DNAJB14: variants seen among roughly 807,000 people sequenced by gnomAD.
The protein encoded by DNAJB14 is DnaJ heat shock protein family (Hsp40) member B14, also known as dnaJ homolog subfamily B member 14.
In DNAJB14, 22 loss-of-function variants were observed where a neutral mutation model predicts 48.4. The observed-to-expected ratio is 0.45, with a 90% CI of 0.32 to 0.65. DNAJB14 has a LOEUF of 0.65. DNAJB14 is among the 30% of genes least tolerant of loss of function. The pLI, the probability that DNAJB14 is intolerant of heterozygous loss-of-function variation, is 0.03. For synonymous variants in DNAJB14, 142 were observed against 158.7 expected (o/e 0.89, Z 0.79); for missense variants, 319 against 458.8 (o/e 0.70, Z 2.78).
chr4:99,927,761 G>A (rs1726307562), intron 2 of DNAJB14: 1 of 152,150 alleles, frequency 6.6e-6, no homozygotes, highest in African/African-American at 2.4e-5. Context: ...TCCCCATTGA[G>A]CCAAATTGTC....
chr4:99,903,732 GTCTT>G lies in DNAJB14; in HGVS notation c.1005_1008del (p.Glu335AspfsTer26). On this transcript the variant is annotated frameshift_variant, in exon 7 of 8. Coordinates refer to ENST00000442697, the MANE Select transcript of DNAJB14 (RefSeq NM_001031723.4). LOFTEE classifies it high-confidence loss of function. ...AAACACATGACAAACTTACTTTGTT[GTCTT>G]TCTTTCCAGCAGTTATTTCGAATAT... 6.2e-7 allele frequency: 1 copy of G among 1,607,024 alleles called. No homozygotes were observed. The highest frequency in any genetic ancestry group is 8.5e-7 in the Non-Finnish European group (1 of 1,178,028).
chr4:99,922,024 T>A (rs1439958853), intron 3 of DNAJB14, among the ~76,000 whole-genome samples: 1 of 152,192 alleles, frequency 6.6e-6, no homozygotes, highest in Non-Finnish European at 1.5e-5. Flanking sequence ...AGTAAAGCTT[T>A]TCCTGTACTT....
chr4:99,936,621 C>A (rs1272037832), intron 1 of DNAJB14, among the ~76,000 whole-genome samples: 2 of 152,174 alleles, frequency 1.3e-5, no homozygotes, highest in Non-Finnish European at 2.9e-5. Context: ...TCTTGGAGAA[C>A]TAGCTGATTC....
chr4:99,922,734 T>C (rs1487394522), intron 3 of DNAJB14: 2 of 197,640 alleles, frequency 1.0e-5, no homozygotes, highest in African/African-American at 4.6e-5. Context: ...CAGATGACAA[T>C]ACGCTAGAAG....
chr4:99,902,299 C>T (rs1725321278), intron 7 of DNAJB14, among the ~76,000 whole-genome samples: 1 of 151,724 alleles, frequency 6.6e-6, no homozygotes, highest in South Asian at 2.1e-4. Flanking sequence ...GGCCTTAACC[C>T]GCTAGATGCT....
chr4:99,902,150 G>A (rs193052471), intron 7 of DNAJB14, among the ~76,000 whole-genome samples: 38 of 152,180 alleles, frequency 2.5e-4, no homozygotes, highest in Non-Finnish European at 4.9e-4. Context: ...CACTGCTAAC[G>A]AATGGCAGAG....
At position 99,924,704 on chromosome 4, in the gene DNAJB14, T is replaced by G. The variant is rs538712680; in HGVS notation, c.306-1519A>C. On this transcript the variant is annotated intron_variant, in intron 2 of 7. Coordinates refer to ENST00000442697, the MANE Select transcript of DNAJB14 (RefSeq NM_001031723.4). Reference sequence around the variant, plus strand: ...GTAGAGACTCATTCTCCTAGAAATGTTTAGAAGCTATGTGATAGAAAAAAA... The same window carrying G: ...GTAGAGACTCATTCTCCTAGAAATGGTTAGAAGCTATGTGATAGAAAAAAA... 4.7e-5 allele frequency: 76 copies of G among 1,604,946 alleles called. 1 individual carries two copies. In the South Asian group the frequency reaches 8.2e-4, roughly 17 times the overall value.
At chr4:99,922,896 C>G (rs557770742) in intron 3 of DNAJB14, 144 bp downstream of exon 3, 1 of 919,020 alleles carries the variant, frequency 1.1e-6, no homozygotes. Flanking sequence ...CCAGTTAATA[C>G]TGAAGTTTTA....
chr4:99,913,421 C>G (rs1336622088), intron 3 of DNAJB14, among the ~76,000 whole-genome samples: 2 of 152,124 alleles, frequency 1.3e-5, no homozygotes, highest in African/African-American at 2.4e-5. Context: ...TTTTATTCCA[C>G]TGATTAATAT....
chr4:99,919,338 A>AC (rs1295323849), intron 3 of DNAJB14, among the ~76,000 whole-genome samples: 1 of 152,118 alleles, frequency 6.6e-6, no homozygotes, highest in Admixed American at 6.5e-5. Context: ...TAATCCCAGC[A>AC]CTTTGGGAGG....
intron 1 of DNAJB14, among the ~76,000 whole-genome samples, chr4:99,938,097 CAAAAA>C (rs59597113): frequency 0.047 from 1,908 of 40,770 alleles, 25 homozygotes; most frequent in East Asian, 0.3. Flanking sequence ...GTTAAAAATA[CAAAAA>C]AAAAAAAAAA....
chr4:99,898,107 C>A lies in DNAJB14; in HGVS notation c.*2921G>T, dbSNP rs1481259385. ...TTTTTCTCAGTAACTACTTTACATA[C>A]TAGTGTAATTAAAGGTTTAACTGGA... is the stretch of plus-strand genomic sequence containing the variant. On this transcript the variant is annotated 3_prime_UTR_variant, in exon 8 of 8. Transcript: ENST00000442697. 6.6e-6 allele frequency: 1 copy of A among 151,916 alleles called. No individual in the cohort carries two copies. The allele number at this position is 151,916 out of a possible 1,614,324, so 9.4% of individuals were successfully genotyped here.
rs182942223 is a variant in DNAJB14, at chr4:99,911,011, A to T, written c.452-2115T>A. Among the ~76,000 whole-genome samples the T allele has an allele frequency of 3.8e-3, 580 of 152,170 alleles. 1 individual carries two copies. Among genetic ancestry groups the T allele is most frequent in the Admixed American group, 6.9e-3 (106 of 15,282 alleles). On this transcript the variant is annotated intron_variant, in intron 3 of 7. Transcript: ENST00000442697. ...ACCACTCTCATGTTGCTCTTTCATAACCACATCCAACTCCTCCTCCCTCCC... is the reference window on the plus strand; with the variant it reads ...ACCACTCTCATGTTGCTCTTTCATATCCACATCCAACTCCTCCTCCCTCCC...
At chr4:99,940,366 G>A (rs1726846855) in intron 1 of DNAJB14, among the ~76,000 whole-genome samples, 1 of 152,172 alleles carries the variant, frequency 6.6e-6, no homozygotes, top group Admixed American at 6.5e-5. Context: ...GCTGAGGCAG[G>A]TGGATCACTT....
In DNAJB14 at chr4:99,899,935, T is replaced by C. The variant is rs932299085; in HGVS notation, c.*1093A>G. The C allele has an allele frequency of 1.3e-5, 2 of 152,422 alleles. No homozygotes were observed. Among genetic ancestry groups the C allele is most frequent in the African/African-American group, 4.8e-5 (2 of 41,432 alleles). The allele number at this position is 152,422 out of a possible 1,614,324, so 9.4% of individuals were successfully genotyped here. On this transcript the variant is annotated 3_prime_UTR_variant, in exon 8 of 8. Transcript: ENST00000442697. ...GATGACTTGCTTTAAGTTACTATTC[T>C]ACGTGCTGCTCTATTTCTGCTCACA...
intron 5 of DNAJB14, chr4:99,906,061 G>A: frequency 7.6e-7 from 1 of 1,313,872 alleles, no homozygotes; most frequent in African/African-American, 1.5e-5. Flanking sequence ...GTAGAAGATG[G>A]GAGCTGATGA....
chr4:99,916,685 G>C (rs1725868024), intron 3 of DNAJB14, among the ~76,000 whole-genome samples: 2 of 151,720 alleles, frequency 1.3e-5, no homozygotes, highest in African/African-American at 4.8e-5. Context: ...TAACTTTTTA[G>C]CGGTTGCTCT....
At chr4:99,946,395 G>C in intron 1 of DNAJB14, 44 bp downstream of exon 1, 1 of 1,575,824 alleles carries the variant, frequency 6.3e-7, no homozygotes. Flanking sequence ...GCTACGCGGT[G>C]GTCTGGGGAT....
intron 3 of DNAJB14, among the ~76,000 whole-genome samples, chr4:99,914,788 TCTCATCTAACTTGTAAA>T (rs1725792214): frequency 6.6e-6 from 1 of 152,200 alleles, no homozygotes. Flanking sequence ...AACTGGCCCA[TCTCATCTAACTTGTAAA>T]CTTATGTATA....
Sources: gnomAD v4.1 joint callset for allele counts (sites outside exome capture counted in the v4.1 genomes callset) on GRCh38, gnomAD v4.1.1 for gene constraint, MANE v1.5 for transcripts, NCBI Gene and HGNC (gene_info 2026-07-23, HGNC 2026-07-21) for gene names.